MARCHF2: variants seen among roughly 807,000 people sequenced by gnomAD.
The protein encoded by MARCHF2 is E3 ubiquitin-protein ligase MARCHF2.
MARCHF2 carries 22 observed loss-of-function variants against 24.0 expected under a neutral mutation model. That is an observed-to-expected ratio of 0.92 (90% CI 0.66 to 1.31). MARCHF2 has a LOEUF of 1.31. MARCHF2 is among the 50% of genes most tolerant of loss of function. MARCHF2 has a pLI of 0.00. For missense variants in MARCHF2, 301 were observed against 335.3 expected (o/e 0.90, Z 0.80); for synonymous variants, 154 against 153.0 (o/e 1.01, Z -0.05).
In MARCHF2 at chr19:8,430,945, C is replaced by A; in HGVS notation, c.582+78C>A. The A allele has an allele frequency of 7.0e-7, 1 of 1,430,630 alleles. No homozygotes were observed. The highest frequency in any genetic ancestry group is 9.4e-7 in the Non-Finnish European group (1 of 1,063,134). 88.6% of individuals were successfully genotyped at this position (1,430,630 alleles called of 1,614,324 possible). On this transcript the variant is annotated intron_variant, in intron 4 of 4. Transcript: ENST00000215555. The surrounding 1 kb of genome is among the most constrained non-coding windows in gnomAD (Gnocchi z 4.4). Reference sequence around the variant, plus strand: ...GCAGGGCCAAGGATTTGGCCCCTGGCTTGTGGGGCACGGGGCTCCCTGGCT... The same window carrying A: ...GCAGGGCCAAGGATTTGGCCCCTGGATTGTGGGGCACGGGGCTCCCTGGCT...
intron 4 of MARCHF2, among the ~76,000 whole-genome samples, chr19:8,437,391 G>A (rs148598898): frequency 0.014 from 1,757 of 121,594 alleles, 33 homozygotes; most frequent in African/African-American, 0.048. Flanking sequence ...TCGCTCTGTC[G>A]CCCAGGCTGG....
intron 1 of MARCHF2, among the ~76,000 whole-genome samples, chr19:8,416,101 T>C (rs1047216428): frequency 6.6e-6 from 1 of 151,878 alleles, no homozygotes; most frequent in African/African-American, 2.4e-5. Flanking sequence ...CCCAGCACTT[T>C]AGGAGGCTGA....
intron 1 of MARCHF2, among the ~76,000 whole-genome samples, chr19:8,415,656 G>C (rs190712295): frequency 6.3e-4 from 88 of 139,510 alleles, no homozygotes; most frequent in African/African-American, 2.2e-3. Flanking sequence ...GGGAGGCGGA[G>C]GTTGCAGAGA....
chr19:8,433,675 C>CAAAAA (rs143853447), intron 4 of MARCHF2, among the ~76,000 whole-genome samples: 13 of 90,482 alleles, frequency 1.4e-4, no homozygotes, highest in South Asian at 4.0e-4. Context: ...GACTCCGTCT[C>CAAAAA]AAAAAAAAAA....
chr19:8,414,619 A>G (rs1056179461), intron 1 of MARCHF2, among the ~76,000 whole-genome samples: 1 of 152,148 alleles, frequency 6.6e-6, no homozygotes, highest in African/African-American at 2.4e-5. Flanking sequence ...AGGCTGAGAG[A>G]GTAAAACAGC....
At chr19:8,415,199 C>T (rs1317230824) in intron 1 of MARCHF2, among the ~76,000 whole-genome samples, 1 of 150,606 alleles carries the variant, frequency 6.6e-6, no homozygotes, top group Admixed American at 6.6e-5. Flanking sequence ...GAGTTCAGGA[C>T]CAGCCTGGGC....
At chr19:8,423,024 T>A (rs1051036429) in intron 2 of MARCHF2, among the ~76,000 whole-genome samples, 7 of 3,828 alleles carry the variant, frequency 1.8e-3, no homozygotes, top group African/African-American at 6.5e-3. Context: ...ATATTAAGGC[T>A]TTTTTTTTCC....
intron 1 of MARCHF2, among the ~76,000 whole-genome samples, chr19:8,419,071 C>A (rs1967157676): frequency 6.6e-6 from 1 of 152,026 alleles, no homozygotes; most frequent in Admixed American, 6.6e-5. Flanking sequence ...CAATGAAATT[C>A]TCTGCCGGGC....
intron 3 of MARCHF2, among the ~76,000 whole-genome samples, chr19:8,429,654 G>C (rs565639943): frequency 6.6e-6 from 1 of 151,632 alleles, no homozygotes; most frequent in African/African-American, 2.4e-5. Flanking sequence ...ATAGGTGCGT[G>C]CTACCACGCC....
intron 4 of MARCHF2, among the ~76,000 whole-genome samples, chr19:8,433,857 A>G (rs1967643210): frequency 6.6e-6 from 1 of 150,562 alleles, no homozygotes; most frequent in East Asian, 2.0e-4. Context: ...GAGTGACAGA[A>G]TAAGACTCTG....
rs1967069510 is a variant in MARCHF2 at position 8,415,745 on chromosome 19, A to AAAAAAAAAAAC, written c.-53+2326_-53+2336dup. Among the ~76,000 whole-genome samples the AAAAAAAAAAAC allele has an allele frequency of 1.6e-3, 86 of 53,994 alleles. 3 individuals carry two copies. Among genetic ancestry groups the AAAAAAAAAAAC allele is most frequent in the African/African-American group, 3.2e-3 (55 of 17,412 alleles). The allele number at this position is 53,994 out of a possible 152,430, so 35.4% of individuals were successfully genotyped here. ...TCAAAAAAAAAAAAACAAAAAAAAC[A>AAAAAAAAAAAC]AAAAAAAAAACCAGACAAAAGAAAG... On this transcript the variant is annotated intron_variant, in intron 1 of 4. Coordinates refer to ENST00000215555, the MANE Select transcript of MARCHF2 (RefSeq NM_001005415.2).
rs1967119556 is a variant in MARCHF2 at position 8,417,726 on chromosome 19, C to T, written c.-52-4063C>T. On this transcript the variant is annotated intron_variant, in intron 1 of 4. Coordinates refer to ENST00000215555, the MANE Select transcript of MARCHF2 (RefSeq NM_001005415.2). Reference sequence around the variant, plus strand: ...GTGCTGGGATTACAGGCATGAGCCACTACGCCCGGCCAATACCCTGTCTTT... The same window carrying T: ...GTGCTGGGATTACAGGCATGAGCCATTACGCCCGGCCAATACCCTGTCTTT... Among the ~76,000 whole-genome samples, 2 of 147,192 alleles carry T rather than the reference C, an allele frequency of 1.4e-5. 1 individual carries two copies. The highest frequency in any genetic ancestry group is 1.4e-4 in the Admixed American group (2 of 14,638).
chr19:8,427,245 C>T (rs2145556821), intron 3 of MARCHF2, among the ~76,000 whole-genome samples: 1 of 152,102 alleles, frequency 6.6e-6, no homozygotes, highest in South Asian at 2.1e-4. Context: ...GATGCGGTTT[C>T]ACCATGTTGG....
At chr19:8,434,667 G>A (rs997130467) in intron 4 of MARCHF2, among the ~76,000 whole-genome samples, 1 of 151,782 alleles carries the variant, frequency 6.6e-6, no homozygotes, top group African/African-American at 2.4e-5. Context: ...ATGTTTCTTG[G>A]GAACTTGCTT....
intron 4 of MARCHF2, among the ~76,000 whole-genome samples, chr19:8,435,411 T>C (rs926912083): frequency 6.6e-6 from 1 of 152,160 alleles, no homozygotes; most frequent in African/African-American, 2.4e-5. Flanking sequence ...TATATCACCC[T>C]GCTCCATACG....
chr19:8,425,200 C>G (rs1480593337), intron 2 of MARCHF2, among the ~76,000 whole-genome samples: 3 of 151,848 alleles, frequency 2.0e-5, no homozygotes, highest in Admixed American at 2.0e-4. Flanking sequence ...ACGGTGAAAC[C>G]CCGTCTCTAC....
intron 1 of MARCHF2, among the ~76,000 whole-genome samples, chr19:8,415,747 A>G (rs1197012393): frequency 7.0e-6 from 1 of 143,374 alleles, no homozygotes. Context: ...AAAAAAACAA[A>G]AAAAAAAACC....
chr19:8,428,649 C>CAAAAAAAAAAAAAAAAA lies in MARCHF2; in HGVS notation c.372+1863_372+1879dup, dbSNP rs59542078. ...TGGGCAACAGATTGAGACTCTATCTCAAAAAAAAAAAAAAAAAAAAAAAAA... is the reference window on the plus strand; with the variant it reads ...TGGGCAACAGATTGAGACTCTATCTCAAAAAAAAAAAAAAAAAAAAAAAAAAAAAAAAAAAAAAAAAA... On this transcript the variant is annotated intron_variant, in intron 3 of 4. Transcript: ENST00000215555. 2.0e-4 allele frequency among the ~76,000 whole-genome samples: 6 copies of CAAAAAAAAAAAAAAAAA among 30,646 alleles called. 1 individual carries two copies. The highest frequency in any genetic ancestry group is 3.9e-4 in the African/African-American group (3 of 7,608). The allele number at this position is 30,646 out of a possible 152,430, so 20.1% of individuals were successfully genotyped here. A position where few individuals can be genotyped will look rare whatever the true frequency, so the allele number is the denominator to read the frequency against.
chr19:8,431,027 G>A (rs1248672383), intron 4 of MARCHF2, 160 bp downstream of exon 4: 2 of 684,894 alleles, frequency 2.9e-6, no homozygotes, highest in Non-Finnish European at 4.8e-6. Flanking sequence ...TGCCTCTCCA[G>A]GAGCTTGAGA....
Sources: allele counts gnomAD v4.1 joint callset (sites outside exome capture counted in the v4.1 genomes callset), GRCh38; gene constraint gnomAD v4.1.1; non-coding constraint Gnocchi (gnomAD v3.1); transcripts MANE v1.5; gene names NCBI Gene and HGNC (gene_info 2026-07-23, HGNC 2026-07-21).